The following ARHGAP26 variants were observed in gnomAD, a reference collection of about 807,000 sequenced individuals.
ARHGAP26 encodes rho GTPase-activating protein 26.
Under a neutral mutation model 104.8 loss-of-function variants are expected in ARHGAP26, and 38 were observed. The observed-to-expected ratio is 0.36, with a 90% confidence interval of 0.28 to 0.48. The LOEUF (loss-of-function observed/expected upper bound fraction) is 0.48. Ranked by LOEUF, ARHGAP26 falls within the 20% of genes least tolerant of loss-of-function variation. ARHGAP26 has a pLI of 0.99. For missense variants in ARHGAP26, 704 were observed against 947.9 expected (o/e 0.74, Z 3.38); for synonymous variants, 341 against 340.0 (o/e 1.00, Z -0.03).
At chr5:142,854,343 G>T (rs1752007440) in intron 1 of ARHGAP26, among the ~76,000 whole-genome samples, 1 of 152,166 alleles carries the variant, frequency 6.6e-6, no homozygotes, top group Admixed American at 6.5e-5. Context: ...GCTTGCATCT[G>T]CAGTTTTACA....
chr5:143,120,177 T>C (rs1795971674), intron 17 of ARHGAP26, among the ~76,000 whole-genome samples: 1 of 152,236 alleles, frequency 6.6e-6, no homozygotes, highest in Non-Finnish European at 1.5e-5. Context: ...TTTTTATACA[T>C]GGGGCCAGCA....
chr5:143,179,382 CAG>C (rs1368347658), intron 20 of ARHGAP26, among the ~76,000 whole-genome samples: 2 of 152,218 alleles, frequency 1.3e-5, no homozygotes, highest in Non-Finnish European at 1.5e-5. Flanking sequence ...CAAGTGAAAA[CAG>C]GGACTGCATC....
intron 17 of ARHGAP26, among the ~76,000 whole-genome samples, chr5:143,085,059 A>G (rs1790366079): frequency 1.3e-5 from 2 of 151,630 alleles, no homozygotes; most frequent in African/African-American, 4.8e-5. Context: ...AAAAAAAAAA[A>G]AAAAAAAAGA....
intron 20 of ARHGAP26, among the ~76,000 whole-genome samples, chr5:143,182,208 ACTCAT>A (rs1470556396): frequency 6.6e-6 from 1 of 151,034 alleles, no homozygotes; most frequent in Admixed American, 6.6e-5. Context: ...ACTACTGTTA[ACTCAT>A]CTCAGCTACT....
rs748353535 is a variant in ARHGAP26, at chr5:143,207,226, C to T, written c.2017C>T (p.Leu673Phe). The T allele has an allele frequency of 2.5e-6, 4 of 1,614,008 alleles. No individual in the cohort carries two copies. The highest frequency in any genetic ancestry group is 1.7e-5 in the Admixed American group (1 of 59,990). The change falls in exon 21 of 23, where the codon CTC becomes TTC. Residue 673 changes from leucine (L) to phenylalanine (F), a missense_variant. By Grantham distance (22) the Leu-to-Phe change is conservative. Coordinates refer to ENST00000645722, the MANE Select transcript of ARHGAP26 (RefSeq NM_001135608.3). ...CCCGAATCCAAGCCCAACTTCACCCCTCTCGCCATCTTGGCCCATGTTCTC... is the reference window on the plus strand; with the variant it reads ...CCCGAATCCAAGCCCAACTTCACCCTTCTCGCCATCTTGGCCCATGTTCTC... ...LPPNPSPTSP[L>F]SPSWPMFSAP...
chr5:143,227,937 G>A lies in ARHGAP26; in HGVS notation c.*5491G>A, dbSNP rs533712364. The A allele has an allele frequency of 2.7e-5, 6 of 220,108 alleles. No individual in the cohort carries two copies. In the East Asian group the frequency reaches 3.3e-4, roughly 12 times the overall value. 13.6% of individuals were successfully genotyped at this position (220,108 alleles called of 1,614,324 possible). A position where few individuals can be genotyped will look rare whatever the true frequency, so the allele number is the denominator to read the frequency against. On this transcript the variant is annotated 3_prime_UTR_variant, in exon 23 of 23. Coordinates refer to ENST00000645722, the MANE Select transcript of ARHGAP26 (RefSeq NM_001135608.3). ...GTGCCAGACATTACAGAGTGAAAAC[G>A]TCTCTCAAGGTGGAATGCTTTAGAG...
chr5:142,814,672 T>C (rs1230668584), intron 1 of ARHGAP26, among the ~76,000 whole-genome samples: 2 of 152,160 alleles, frequency 1.3e-5, no homozygotes, highest in African/African-American at 4.8e-5. Context: ...GGTGACTAAG[T>C]GTACAGGCTC....
intron 11 of ARHGAP26, among the ~76,000 whole-genome samples, chr5:142,985,566 T>G (rs1774579207): frequency 6.6e-6 from 1 of 152,028 alleles, no homozygotes; most frequent in Non-Finnish European, 1.5e-5. Flanking sequence ...GCAGGTTTGT[T>G]ACATATGTAT....
intron 20 of ARHGAP26, among the ~76,000 whole-genome samples, chr5:143,185,107 A>G (rs258774): frequency 0.17 from 25,508 of 152,260 alleles, 2,433 homozygotes; most frequent in East Asian, 0.41. Context: ...GCAACTACTG[A>G]AAATTATATT....
At position 143,147,221 on chromosome 5, in the gene ARHGAP26, T is replaced by TC. The variant is rs751856286; in HGVS notation, c.1838-3dup. 35 of 1,612,606 alleles carry TC rather than the reference T, an allele frequency of 2.2e-5. No individual in the cohort carries two copies. The East Asian group carries it at 5.8e-4, about 27-fold the overall frequency. On this transcript the variant is annotated splice_polypyrimidine_tract_variant and intron_variant, in intron 19 of 22. Transcript: ENST00000645722. The stretch of plus-strand genomic sequence containing the variant: ...ATATTAATATGGGACTTGTGGCTTT[T>TC]CCCCCCCAGAGGAACAAAGGAACAG...
chr5:142,963,180 A>ATATATATATATG (rs1770602232), intron 11 of ARHGAP26, among the ~76,000 whole-genome samples: 1 of 101,622 alleles, frequency 9.8e-6, no homozygotes, highest in African/African-American at 6.5e-5. Context: ...ATGTATATAT[A>ATATATATATATG]TATATATATA....
chr5:142,892,964 C>A (rs1184390288), intron 5 of ARHGAP26, among the ~76,000 whole-genome samples: 1 of 144,148 alleles, frequency 6.9e-6, no homozygotes, highest in Non-Finnish European at 1.5e-5. Flanking sequence ...TCTCTTCATC[C>A]TTCCCACCCC....
chr5:142,949,165 CAGAGAGAG>C (rs71276311), intron 11 of ARHGAP26, among the ~76,000 whole-genome samples: 1 of 37,358 alleles, frequency 2.7e-5, no homozygotes, highest in Non-Finnish European at 4.9e-5. Context: ...GTTGAATTTC[CAGAGAGAG>C]AGAGAGAGAG....
chr5:142,794,509 T>C lies in ARHGAP26; in HGVS notation c.154+23594T>C, dbSNP rs1390163452. On this transcript the variant is annotated intron_variant, in intron 1 of 22. Transcript: ENST00000645722. The stretch of plus-strand genomic sequence containing the variant: ...TTGTTACCCACATTTGAAAATTACT[T>C]TGGGCGATCAGGCTGTGGTTTAATA... Among the ~76,000 whole-genome samples, 5 of 152,172 alleles carry C rather than the reference T, an allele frequency of 3.3e-5. No individual in the cohort carries two copies. In the East Asian group the frequency reaches 9.6e-4, roughly 29 times the overall value.
intron 17 of ARHGAP26, among the ~76,000 whole-genome samples, chr5:143,088,243 A>G (rs144261200): frequency 4.5e-4 from 68 of 152,286 alleles, no homozygotes; most frequent in African/African-American, 1.5e-3. Flanking sequence ...AATGTTCATC[A>G]TTTACACTAA....
intron 20 of ARHGAP26, chr5:143,165,965 C>T: frequency 8.2e-7 from 1 of 1,216,732 alleles, no homozygotes; most frequent in Non-Finnish European, 1.1e-6. Flanking sequence ...GCTTCTGGCT[C>T]ATAATCAGGG....
At chr5:142,782,435 A>T (rs994625066) in intron 1 of ARHGAP26, among the ~76,000 whole-genome samples, 1 of 152,092 alleles carries the variant, frequency 6.6e-6, no homozygotes, top group Non-Finnish European at 1.5e-5. Flanking sequence ...GGAGCTCAGG[A>T]CTCACCTTCA....
chr5:142,975,900 T>G (rs1773004036), intron 11 of ARHGAP26, among the ~76,000 whole-genome samples: 1 of 152,210 alleles, frequency 6.6e-6, no homozygotes, highest in Admixed American at 6.5e-5. Flanking sequence ...ATAACAAGAA[T>G]ATAATGTGGC....
chr5:143,206,124 G>C (rs1276946525), intron 20 of ARHGAP26, among the ~76,000 whole-genome samples: 1 of 152,204 alleles, frequency 6.6e-6, no homozygotes. Context: ...GGACATTTGT[G>C]TGTGCCTGCT....
Sources: allele counts gnomAD v4.1 joint callset (sites outside exome capture counted in the v4.1 genomes callset), GRCh38; gene constraint gnomAD v4.1.1; transcripts MANE v1.5; gene names NCBI Gene and HGNC (gene_info 2026-07-23, HGNC 2026-07-21).